PCDHA2: variants seen among roughly 807,000 people sequenced by gnomAD.
The protein encoded by PCDHA2 is protocadherin alpha-2.
In PCDHA2, 58 loss-of-function variants were observed where a neutral mutation model predicts 66.0. The ratio of observed to expected loss-of-function variants is 0.88; its 90% CI spans 0.71 to 1.09. PCDHA2 has a LOEUF of 1.09. Among genes scored for constraint, PCDHA2 ranks in the 50% least tolerant of loss-of-function variants. PCDHA2 has a pLI of 0.00. For missense variants in PCDHA2, 1,267 were observed against 1,242.3 expected (o/e 1.02, Z -0.30); for synonymous variants, 634 against 554.0 (o/e 1.14, Z -2.03).
chr5:140,883,356 C>A, intron 1 of PCDHA2: 1 of 1,614,190 alleles, frequency 6.2e-7, no homozygotes, highest in Non-Finnish European at 8.5e-7. Flanking sequence ...AGAGAAGACA[C>A]TCAGCCTAGC....
chr5:140,802,866 G>T, intron 1 of PCDHA2: 2 of 1,613,736 alleles, frequency 1.2e-6, no homozygotes, highest in South Asian at 2.2e-5. Flanking sequence ...GTTCGTGCTG[G>T]ACGAGAACGA....
At chr5:140,971,918 G>A (rs1297848346) in intron 1 of PCDHA2, among the ~76,000 whole-genome samples, 1 of 152,082 alleles carries the variant, frequency 6.6e-6, no homozygotes, top group Non-Finnish European at 1.5e-5. Context: ...CAGCCACACT[G>A]CTAGTGTTAT....
At chr5:140,863,741 G>T in intron 1 of PCDHA2, 1 of 249,706 alleles carries the variant, frequency 4.0e-6, no homozygotes, top group East Asian at 1.0e-4. Context: ...ATGCCTATTT[G>T]TAATCCCGGC....
Position 140,858,425 on chromosome 5 carries a change from C to A in PCDHA2, c.2388+61073C>A, listed in dbSNP as rs373682195. Reference sequence around the variant, plus strand: ...GGAAGATCAGTCTATTGGAGGGGACCACTCTAGGAAGGTGGGTTATTACGT... The same window carrying A: ...GGAAGATCAGTCTATTGGAGGGGACAACTCTAGGAAGGTGGGTTATTACGT... On this transcript the variant is annotated intron_variant, in intron 1 of 3. Coordinates refer to ENST00000526136, the MANE Select transcript of PCDHA2 (RefSeq NM_018905.3). The A allele has an allele frequency of 1.2e-5, 18 of 1,552,696 alleles. 1 individual carries two copies. In the African/African-American group the frequency reaches 2.3e-4, roughly 20 times the overall value.
At position 140,850,414 on chromosome 5, in the gene PCDHA2, C is replaced by T. The variant is rs2150483197; in HGVS notation, c.2388+53062C>T. The T allele has an allele frequency of 3.9e-5, 62 of 1,597,814 alleles. 5 individuals are homozygous for T. Among genetic ancestry groups the T allele is most frequent in the African/African-American group, 6.7e-5 (5 of 74,310 alleles). ...AGCACAACGCGTGCCCTGGACGAAA[C>T]GGACGCACCGCGCCAGCGCCTACTG... On this transcript the variant is annotated intron_variant, in intron 1 of 3. Coordinates refer to ENST00000526136, the MANE Select transcript of PCDHA2 (RefSeq NM_018905.3).
At chr5:140,962,673 C>T (rs1409804701) in intron 1 of PCDHA2, among the ~76,000 whole-genome samples, 2 of 152,164 alleles carry the variant, frequency 1.3e-5, no homozygotes, top group African/African-American at 4.8e-5. Flanking sequence ...TTCCCATCCA[C>T]TGGATGTTTT....
At chr5:140,806,506 TC>T (rs1763743813) in intron 1 of PCDHA2, among the ~76,000 whole-genome samples, 2 of 152,220 alleles carry the variant, frequency 1.3e-5, no homozygotes, top group Admixed American at 1.3e-4. Context: ...AAGGAAGACA[TC>T]TAATTAAATG....
At position 140,808,439 on chromosome 5, in the gene PCDHA2, G is replaced by A. The variant is rs372913069; in HGVS notation, c.2388+11087G>A. On this transcript the variant is annotated intron_variant, in intron 1 of 3. Transcript: ENST00000526136. ...GGACAGTGCCCTGGACCGCGAGAGC[G>A]TGTCAGCCTATGAGCTGGTGGTGAC... The A allele has an allele frequency of 4.3e-6, 7 of 1,614,184 alleles. No individual in the cohort carries two copies. In the African/African-American group the frequency reaches 5.3e-5, roughly 12 times the overall value.
intron 1 of PCDHA2, chr5:140,814,197 T>C (rs2126652727): frequency 6.6e-6 from 1 of 152,576 alleles, no homozygotes; most frequent in Admixed American, 6.5e-5. Flanking sequence ...TTTTTTTATT[T>C]TTTTCACTTT....
At chr5:140,906,253 A>ACCTC (rs1329710908) in intron 1 of PCDHA2, among the ~76,000 whole-genome samples, 2 of 152,064 alleles carry the variant, frequency 1.3e-5, no homozygotes, top group African/African-American at 4.8e-5. Flanking sequence ...ACCCATACAC[A>ACCTC]CCTCCTGAAA....
intron 1 of PCDHA2, among the ~76,000 whole-genome samples, chr5:140,973,346 T>C (rs1554235179): frequency 1.3e-5 from 2 of 152,198 alleles, no homozygotes; most frequent in Non-Finnish European, 2.9e-5. Flanking sequence ...AGTGACATAG[T>C]AGTGAATTTA....
chr5:140,855,858 G>C (rs1203638572), intron 1 of PCDHA2: 4 of 715,822 alleles, frequency 5.6e-6, no homozygotes, highest in Non-Finnish European at 9.0e-6. Context: ...ACCGGATGTC[G>C]CTGTCGTCCA....
chr5:140,876,650 T>G lies in PCDHA2; in HGVS notation c.2388+79298T>G, dbSNP rs782068706. 4 of 1,614,162 alleles carry G rather than the reference T, an allele frequency of 2.5e-6. No individual in the cohort carries two copies. In the South Asian group the frequency reaches 4.4e-5, roughly 18 times the overall value. ...GTCATCTGCTCACTGACACCTCATG[T>G]TCCCTTCAAGCTGGTGTCCACCTAC... On this transcript the variant is annotated intron_variant, in intron 1 of 3. Transcript: ENST00000526136.
At chr5:140,891,007 G>A (rs1228475433) in intron 1 of PCDHA2, among the ~76,000 whole-genome samples, 7 of 152,030 alleles carry the variant, frequency 4.6e-5, no homozygotes, top group African/African-American at 7.3e-5. Context: ...TTATTGAAAA[G>A]CATTTTTTCT....
intron 1 of PCDHA2, chr5:140,802,116 A>G: frequency 6.2e-7 from 1 of 1,614,256 alleles, no homozygotes; most frequent in Non-Finnish European, 8.5e-7. Context: ...TGTAAAGGGT[A>G]ACATAGATTT....
At chr5:140,982,360 AG>A in intron 2 of PCDHA2, 114 bp from the exon 3 acceptor site, 1 of 1,527,158 alleles carries the variant, frequency 6.5e-7, no homozygotes, top group Non-Finnish European at 8.8e-7. Context: ...AAGCATGAGC[AG>A]AATGTGTTAG....
Position 140,797,355 on chromosome 5 carries a change from G to A in PCDHA2, c.2388+3G>A. The A allele has an allele frequency of 6.2e-7, 1 of 1,613,166 alleles. No individual in the cohort carries two copies. The highest frequency in any genetic ancestry group is 8.5e-7 in the Non-Finnish European group (1 of 1,179,320). ...CAGAATCAGAATACGTAGGAAAGGT[G>A]AGTCTTTTACTTTTTCTTGCCAATT... On this transcript the variant is annotated splice_donor_region_variant and intron_variant, in intron 1 of 3. Coordinates refer to ENST00000526136, the MANE Select transcript of PCDHA2 (RefSeq NM_018905.3).
intron 1 of PCDHA2, chr5:140,803,119 A>T: frequency 1.2e-6 from 2 of 1,613,766 alleles, no homozygotes; most frequent in Non-Finnish European, 1.7e-6. Flanking sequence ...GACGAGGTGG[A>T]CGCCCCGCGC....
chr5:140,905,368 T>G (rs536118800), intron 1 of PCDHA2, among the ~76,000 whole-genome samples: 47 of 152,336 alleles, frequency 3.1e-4, no homozygotes, highest in Non-Finnish European at 4.6e-4. Flanking sequence ...TATTTCTGGT[T>G]CTCTGTTCTG....
Sources: allele counts gnomAD v4.1 joint callset (sites outside exome capture counted in the v4.1 genomes callset), GRCh38; gene constraint gnomAD v4.1.1; transcripts MANE v1.5; gene names NCBI Gene and HGNC (gene_info 2026-07-23, HGNC 2026-07-21).